The following AMPH variants were observed in gnomAD, a reference collection of about 807,000 sequenced individuals.
AMPH encodes the protein amphiphysin.
AMPH carries 49 observed loss-of-function variants against 99.1 expected under a neutral mutation model. The ratio of observed to expected loss-of-function variants is 0.49; its 90% confidence interval spans 0.39 to 0.63. AMPH has a LOEUF of 0.63. Ranked by LOEUF, AMPH falls within the 20% of genes least tolerant of loss-of-function variation. The probability of loss-of-function intolerance (pLI) is 0.00; values close to 1 mark genes in which losing one functional copy is unlikely to be tolerated. For missense variants in AMPH, 759 were observed against 863.4 expected, an observed-to-expected ratio of 0.88 and a Z score of 1.52; for synonymous variants, 314 against 317.3, an observed-to-expected ratio of 0.99 and a Z score of 0.11.
intron 3 of AMPH, among the ~76,000 whole-genome samples, chr7:38,499,172 C>T (rs1014121525): frequency 3.3e-5 from 5 of 152,142 alleles, no homozygotes; most frequent in Non-Finnish European, 7.3e-5. Context: ...TATTACTATG[C>T]CTATCTGGCC....
Position 38,586,630 on chromosome 7 carries a change from G to A in AMPH, c.69+44653C>T, listed in dbSNP as rs375461132. Among the ~76,000 whole-genome samples the A allele has an allele frequency of 1.3e-3, 199 of 152,290 alleles. 8 individuals carry two copies. In the South Asian group the frequency reaches 0.039, roughly 30 times the overall value. Reference sequence around the variant, plus strand: ...ATGGAAGGAGGGGTCTAGAGCTGATGCAGAGTACAAGTGACAGCAGGTGGC... The same window carrying A: ...ATGGAAGGAGGGGTCTAGAGCTGATACAGAGTACAAGTGACAGCAGGTGGC... On this transcript the variant is annotated intron_variant, in intron 1 of 20. Coordinates refer to ENST00000356264, the MANE Select transcript of AMPH (RefSeq NM_001635.4).
intron 15 of AMPH, among the ~76,000 whole-genome samples, chr7:38,425,329 T>G (rs918512888): frequency 1.3e-5 from 2 of 152,182 alleles, no homozygotes; most frequent in African/African-American, 2.4e-5. Flanking sequence ...GATAGGCAAT[T>G]TCTTCAAGAA....
At chr7:38,532,639 A>G (rs1296483743) in intron 2 of AMPH, among the ~76,000 whole-genome samples, 2 of 152,196 alleles carry the variant, frequency 1.3e-5, no homozygotes, top group Admixed American at 1.3e-4. Flanking sequence ...CTAGTGGCAC[A>G]AATCATTCTG....
intron 11 of AMPH, among the ~76,000 whole-genome samples, chr7:38,444,848 C>A (rs1340196008): frequency 6.6e-6 from 1 of 151,734 alleles, no homozygotes; most frequent in Non-Finnish European, 1.5e-5. Flanking sequence ...TGAAAAAGAA[C>A]AAAGTTGAAA....
At chr7:38,576,541 G>A (rs1451207943) in intron 1 of AMPH, among the ~76,000 whole-genome samples, 1 of 152,070 alleles carries the variant, frequency 6.6e-6, no homozygotes, top group East Asian at 1.9e-4. Context: ...TTAAGTGCTG[G>A]TTTTCAGGAG....
chr7:38,432,094 G>T, intron 13 of AMPH, 95 bp downstream of exon 13: 2 of 1,082,664 alleles, frequency 1.8e-6, no homozygotes, highest in Non-Finnish European at 2.9e-6. Context: ...AAATGTATGT[G>T]TCTTCTTTCT....
At chr7:38,434,355 C>G (rs73352603) in intron 12 of AMPH, among the ~76,000 whole-genome samples, 4,108 of 152,276 alleles carry the variant, frequency 0.027, 157 homozygotes, top group African/African-American at 0.094. Flanking sequence ...GGTTTCTCTC[C>G]TGATTCAAAC....
chr7:38,471,239 C>A (rs1299233514), intron 7 of AMPH, among the ~76,000 whole-genome samples: 1 of 152,210 alleles, frequency 6.6e-6, no homozygotes, highest in African/African-American at 2.4e-5. Context: ...CTTCAACCCA[C>A]AGGCCTTTAT....
intron 11 of AMPH, among the ~76,000 whole-genome samples, chr7:38,447,669 G>A (rs1562761798): frequency 2.0e-5 from 3 of 151,450 alleles, no homozygotes; most frequent in African/African-American, 7.3e-5. Flanking sequence ...TATAAAATCT[G>A]TAAACACCTC....
chr7:38,464,657 C>CT (rs368358251), intron 9 of AMPH, among the ~76,000 whole-genome samples: 93 of 151,474 alleles, frequency 6.1e-4, no homozygotes, highest in Middle Eastern at 3.4e-3. Flanking sequence ...TCAATAGTAT[C>CT]TTTTTTTTTC....
intron 3 of AMPH, among the ~76,000 whole-genome samples, chr7:38,500,565 G>T (rs541671117): frequency 2.0e-5 from 3 of 152,104 alleles, no homozygotes; most frequent in Non-Finnish European, 4.4e-5. Flanking sequence ...TAAGCAGCAC[G>T]CTCCACACCA....
chr7:38,477,999 C>T (rs1788149321), intron 5 of AMPH, among the ~76,000 whole-genome samples: 1 of 152,090 alleles, frequency 6.6e-6, no homozygotes. Flanking sequence ...GAAACTCTCG[C>T]TCAAATCCAA....
chr7:38,552,255 C>G (rs573407045), intron 1 of AMPH, among the ~76,000 whole-genome samples: 115 of 152,206 alleles, frequency 7.6e-4, no homozygotes, highest in African/African-American at 2.6e-3. Flanking sequence ...AGATCCAGAC[C>G]CCAGGACCCC....
In AMPH at chr7:38,504,500, T is replaced by C. The variant is rs141174390; in HGVS notation, c.151-796A>G. 6.1e-3 allele frequency among the ~76,000 whole-genome samples: 934 copies of C among 152,262 alleles called. 11 individuals are homozygous for C. Among genetic ancestry groups the C allele is most frequent in the African/African-American group, 0.022 (900 of 41,534 alleles). ...GAGAAGTGAGGCAGAGAAGGGAAGA[T>C]AGCTGATACAGACAGCGTTATCAAG... On this transcript the variant is annotated intron_variant, in intron 2 of 20. Coordinates refer to ENST00000356264, the MANE Select transcript of AMPH (RefSeq NM_001635.4).
intron 1 of AMPH, among the ~76,000 whole-genome samples, chr7:38,610,370 AAAGAAAGGAAAGGAAAAGAAAAGAAAAG>A: frequency 1.9e-5 from 1 of 52,360 alleles, no homozygotes; most frequent in African/African-American, 9.3e-5. Flanking sequence ...AAAGAAAAGA[AAAGAAAGGAAAGGAAAAGAAAAGAAAAG>A]AAAAGAAAAG....
chr7:38,393,312 G>T (rs908975821), intron 18 of AMPH, among the ~76,000 whole-genome samples: 1 of 152,194 alleles, frequency 6.6e-6, no homozygotes, highest in Non-Finnish European at 1.5e-5. Flanking sequence ...ATCATCAGAA[G>T]AAAACAATGC....
In AMPH at chr7:38,491,102, T is replaced by C. The variant is rs1459949553; in HGVS notation, c.344A>G (p.Asp115Gly). 1.2e-6 allele frequency: 2 copies of C among 1,613,198 alleles called. No homozygotes were observed. Among genetic ancestry groups the C allele is most frequent in the Non-Finnish European group, 1.7e-6 (2 of 1,179,350 alleles). The part of the protein sequence containing the change: ...LWEDFHQKLV[D>G]GSLLTLDTYL... ...GGTATCCAGTGTTAGCAAGGACCCA[T>C]CCACGAGTTTTTGATGGAAGTCTTC... Residue 115 changes from aspartate (D) to glycine (G), a missense_variant, in exon 5 of 21, where the codon GAT becomes GGT. Coordinates refer to ENST00000356264, the MANE Select transcript of AMPH (RefSeq NM_001635.4).
At chr7:38,423,192 T>G (rs1326034293) in intron 15 of AMPH, among the ~76,000 whole-genome samples, 1 of 152,230 alleles carries the variant, frequency 6.6e-6, no homozygotes, top group African/African-American at 2.4e-5. Context: ...ACTATATTAC[T>G]TAAGTGTTCC....
At chr7:38,398,182 C>CAAAAA (rs33972156) in intron 17 of AMPH, among the ~76,000 whole-genome samples, 1,183 of 114,658 alleles carry the variant, frequency 0.01, 13 homozygotes, top group African/African-American at 0.036. Context: ...GGTATATACT[C>CAAAAA]AAAAAAAAAA....
Sources: allele counts gnomAD v4.1 joint callset (sites outside exome capture counted in the v4.1 genomes callset), GRCh38; gene constraint gnomAD v4.1.1; transcripts MANE v1.5; gene names NCBI Gene and HGNC (gene_info 2026-07-23, HGNC 2026-07-21).